WASF3: variants seen among roughly 807,000 people sequenced by gnomAD.
WASF3 encodes actin-binding protein WASF3.
In WASF3, 11 loss-of-function variants were observed where a neutral mutation model predicts 46.6. That is an observed-to-expected ratio of 0.24 (90% CI 0.15 to 0.39). The LOEUF (loss-of-function observed/expected upper bound fraction) is 0.39. WASF3 is among the 10% of genes least tolerant of loss of function. WASF3 has a pLI of 1.00. For missense variants in WASF3, 576 were observed against 669.8 expected (o/e 0.86, Z 1.55); for synonymous variants, 242 against 259.7 (o/e 0.93, Z 0.65).
chr13:26,630,346 T>C (rs1291924255), intron 2 of WASF3, among the ~76,000 whole-genome samples: 1 of 152,148 alleles, frequency 6.6e-6, no homozygotes, highest in Non-Finnish European at 1.5e-5. Flanking sequence ...TGTGTGATGT[T>C]CCCTGCCCTG....
intron 1 of WASF3, among the ~76,000 whole-genome samples, chr13:26,579,080 A>G (rs1398605199): frequency 1.5e-5 from 2 of 132,802 alleles, no homozygotes; most frequent in African/African-American, 2.9e-5. Flanking sequence ...AGCTCACTGT[A>G]ACCCCAAACT....
chr13:26,647,549 A>G (rs943477864), intron 3 of WASF3, among the ~76,000 whole-genome samples: 4 of 152,198 alleles, frequency 2.6e-5, no homozygotes, highest in African/African-American at 4.8e-5. Flanking sequence ...TCAGATTCCT[A>G]CTGGTATTAT....
At chr13:26,619,911 C>A (rs1379056360) in intron 2 of WASF3, among the ~76,000 whole-genome samples, 2 of 152,100 alleles carry the variant, frequency 1.3e-5, no homozygotes, top group African/African-American at 4.8e-5. Flanking sequence ...ACTTTCCCCT[C>A]CTTGGCTGCC....
chr13:26,568,288 T>C (rs1229089595), intron 1 of WASF3, among the ~76,000 whole-genome samples: 1 of 152,126 alleles, frequency 6.6e-6, no homozygotes, highest in Non-Finnish European at 1.5e-5. Context: ...GTGTGCTCTG[T>C]GTGCTAGGTA....
chr13:26,591,817 G>A (rs1880308645), intron 1 of WASF3, among the ~76,000 whole-genome samples: 1 of 152,068 alleles, frequency 6.6e-6, no homozygotes, highest in Admixed American at 6.5e-5. Flanking sequence ...AAGGTCCGAG[G>A]ACTGAGTTGT....
At chr13:26,608,237 G>A (rs185556971) in intron 1 of WASF3, among the ~76,000 whole-genome samples, 15 of 152,158 alleles carry the variant, frequency 9.9e-5, no homozygotes, top group African/African-American at 3.6e-4. Context: ...TATTTTACTA[G>A]GCAGTTATTC....
rs1442530569 is a variant in WASF3 at position 26,687,793 on chromosome 13, T to C, written c.*1948T>C. 2.0e-5 allele frequency: 3 copies of C among 151,872 alleles called. No individual in the cohort carries two copies. The highest frequency in any genetic ancestry group is 2.9e-5 in the Non-Finnish European group (2 of 68,004). 9.4% of individuals were successfully genotyped at this position (151,872 alleles called of 1,614,324 possible). A position where few individuals can be genotyped will look rare whatever the true frequency, so the allele number is the denominator to read the frequency against. The stretch of plus-strand genomic sequence containing the variant: ...CGCTATTCTTAGGACTTCTGCAACT[T>C]TTAAAGTCTTACTTGTCTTTCTTGT... On this transcript the variant is annotated 3_prime_UTR_variant, in exon 10 of 10. Coordinates refer to ENST00000335327, the MANE Select transcript of WASF3 (RefSeq NM_006646.6).
At chr13:26,589,906 C>T (rs1396123965) in intron 1 of WASF3, among the ~76,000 whole-genome samples, 1 of 151,596 alleles carries the variant, frequency 6.6e-6, no homozygotes, top group Non-Finnish European at 1.5e-5. Context: ...ATGGCCACCC[C>T]CCATTGCTGG....
rs140316422 is a variant in WASF3, at chr13:26,591,664, C to T, written c.-108-21297C>T. The stretch of plus-strand genomic sequence containing the variant: ...TGTGTATTAGACATCCACGTGAAGA[C>T]ACTGAGTTAGCTGTTGAGTATACAG... On this transcript the variant is annotated intron_variant, in intron 1 of 9. Coordinates refer to ENST00000335327, the MANE Select transcript of WASF3 (RefSeq NM_006646.6). Among the ~76,000 whole-genome samples, 144 of 152,228 alleles carry T rather than the reference C, an allele frequency of 9.5e-4. 1 individual carries two copies. Among genetic ancestry groups the T allele is most frequent in the African/African-American group, 3.4e-3 (140 of 41,518 alleles).
At position 26,665,168 on chromosome 13, in the gene WASF3, T is replaced by TA; in HGVS notation, c.268+8dup. 3 of 1,613,348 alleles carry TA rather than the reference T, an allele frequency of 1.9e-6. No homozygotes were observed. Among genetic ancestry groups the TA allele is most frequent in the African/African-American group, 1.3e-5 (1 of 75,050 alleles). On this transcript the variant is annotated splice_region_variant and intron_variant, in intron 4 of 9. Coordinates refer to ENST00000335327, the MANE Select transcript of WASF3 (RefSeq NM_006646.6). ...GGATTCAACAGTGGAAGAGGGTAGGTAATTGCCTGAAAGCAGTGAGCTAGA... is the reference window on the plus strand; with the variant it reads ...GGATTCAACAGTGGAAGAGGGTAGGTAAATTGCCTGAAAGCAGTGAGCTAGA...
In WASF3 at chr13:26,667,518, C is replaced by A; in HGVS notation, c.270C>A (p.Val90=). Residue 90 remains valine, a splice_region_variant and synonymous_variant, in exon 5 of 10, where the codon GTC becomes GTA. Transcript: ENST00000335327. ...ACTTGGGGGATTTTCTCTAAATAGTCTCACTACAGGATATCAACATGAAAA... is the reference window on the plus strand; with the variant it reads ...ACTTGGGGGATTTTCTCTAAATAGTATCACTACAGGATATCAACATGAAAA... ...VTQLDSTVEE[V]SLQDINMKKA... 3 of 1,608,084 alleles carry A rather than the reference C, an allele frequency of 1.9e-6. No individual in the cohort carries two copies. Among genetic ancestry groups the A allele is most frequent in the Non-Finnish European group, 2.5e-6 (3 of 1,177,548 alleles).
intron 2 of WASF3, chr13:26,638,429 A>G (rs1460174804): frequency 6.6e-6 from 1 of 152,144 alleles, no homozygotes; most frequent in African/African-American, 2.4e-5. Flanking sequence ...ACTTTATATA[A>G]CCTCTAATAG....
chr13:26,653,096 T>G (rs1882362972), intron 3 of WASF3, among the ~76,000 whole-genome samples: 1 of 152,164 alleles, frequency 6.6e-6, no homozygotes. Flanking sequence ...TCTGACACAT[T>G]GCACGCTGAT....
intron 2 of WASF3, among the ~76,000 whole-genome samples, chr13:26,623,405 T>C (rs1193193377): frequency 1.3e-5 from 2 of 152,154 alleles, no homozygotes; most frequent in African/African-American, 2.4e-5. Flanking sequence ...CTCTAGCCCA[T>C]AGGACTCAGC....
intron 2 of WASF3, among the ~76,000 whole-genome samples, chr13:26,614,468 G>A (rs1433703810): frequency 3.3e-5 from 5 of 152,158 alleles, no homozygotes; most frequent in East Asian, 1.9e-4. Flanking sequence ...AAAGGAAAGC[G>A]TAACGTATCA....
rs199819383 is a variant in WASF3, at chr13:26,587,885, G to GT, written c.-108-25068dup. Among the ~76,000 whole-genome samples the GT allele has an allele frequency of 8.3e-3, 1,268 of 152,038 alleles. 20 individuals carry two copies. The highest frequency in any genetic ancestry group is 0.029 in the African/African-American group (1,216 of 41,478). ...AGTTTTTAAAATGAAGAGACCAAAA[G>GT]TTTTTTTTGTCTCTTTTGGAAAGTT... On this transcript the variant is annotated intron_variant, in intron 1 of 9. Coordinates refer to ENST00000335327, the MANE Select transcript of WASF3 (RefSeq NM_006646.6).
chr13:26,643,619 G>A (rs2137414196), intron 3 of WASF3, among the ~76,000 whole-genome samples: 1 of 152,274 alleles, frequency 6.6e-6, no homozygotes, highest in Admixed American at 6.5e-5. Flanking sequence ...AATTATTGAA[G>A]GGTAAAATTG....
At chr13:26,618,455 T>C (rs376788959) in intron 2 of WASF3, among the ~76,000 whole-genome samples, 1 of 151,832 alleles carries the variant, frequency 6.6e-6, no homozygotes, top group East Asian at 1.9e-4. Context: ...TGACACACAC[T>C]CTCTCGCTCT....
chr13:26,667,496 T>C, intron 4 of WASF3, 21 bp from the exon 5 acceptor site: 1 of 1,598,072 alleles, frequency 6.3e-7, no homozygotes, highest in South Asian at 1.1e-5. Flanking sequence ...TAACTCAACT[T>C]GGGGGATTTT....
Sources: gnomAD v4.1 joint callset for allele counts (sites outside exome capture counted in the v4.1 genomes callset) on GRCh38, gnomAD v4.1.1 for gene constraint, MANE v1.5 for transcripts, NCBI Gene and HGNC (gene_info 2026-07-23, HGNC 2026-07-21) for gene names.